ZNF484: variants seen among roughly 807,000 people sequenced by gnomAD.
The protein encoded by ZNF484 is zinc finger protein 484.
A neutral mutation model predicts 12.9 loss-of-function variants in ZNF484; 11 were observed. The observed-to-expected ratio is 0.85, with a 90% CI of 0.54 to 1.41. ZNF484 has a LOEUF of 1.41. Ranked by LOEUF, ZNF484 falls within the 40% of genes most tolerant of loss-of-function variation. The pLI is 0.00. For missense variants in ZNF484, 807 were observed against 1,007.7 expected (o/e 0.80, Z 2.70); for synonymous variants, 289 against 334.1 (o/e 0.86, Z 1.47).
In ZNF484 at chr9:92,846,979, G is replaced by T; in HGVS notation, c.1808C>A (p.Thr603Asn). ...SHFITHERIHTGEKPYECSIC... is the reference protein window; with the variant it reads ...SHFITHERIHNGEKPYECSIC... ...ACTGCATTCATAGGGTTTCTCTCCA[G>T]TATGAATTCTCTCATGTGTAATAAA... Residue 603 changes from threonine (T) to asparagine (N), a missense_variant, in exon 5 of 5, where the codon ACT becomes AAT. Transcript: ENST00000375495. The T allele has an allele frequency of 1.2e-6, 2 of 1,614,130 alleles. No individual in the cohort carries two copies. The highest frequency in any genetic ancestry group is 1.7e-6 in the Non-Finnish European group (2 of 1,180,028).
intron 2 of ZNF484, among the ~76,000 whole-genome samples, chr9:92,858,380 A>T (rs1239928843): frequency 1.3e-5 from 2 of 152,182 alleles, no homozygotes; most frequent in African/African-American, 4.8e-5. Context: ...CATTAGGAAT[A>T]TGTGTGACAT....
At chr9:92,859,023 G>A (rs1856627859) in intron 2 of ZNF484, among the ~76,000 whole-genome samples, 1 of 152,138 alleles carries the variant, frequency 6.6e-6, no homozygotes, top group Non-Finnish European at 1.5e-5. Flanking sequence ...CTACTCAGGA[G>A]GCTGAGGCAG....
rs147387944 is a variant in ZNF484 at position 92,847,746 on chromosome 9, C to G, written c.1041G>C (p.Gln347His). The change falls in exon 5 of 5, where the codon CAG becomes CAC. Residue 347 changes from glutamine (Q) to histidine (H), a missense_variant. Gln to His is a conservative substitution (Grantham distance 24). Coordinates refer to ENST00000375495, the MANE Select transcript of ZNF484 (RefSeq NM_031486.4). ...AAGGTTTTTCTCCAGAATGAATTCT[C>G]TGGCATCTGAACAGATCTGACTTCT... ...FIQKSDLFRCQRIHSGEKPYE... is the reference protein window; with the variant it reads ...FIQKSDLFRCHRIHSGEKPYE... The G allele has an allele frequency of 1.0e-4, 161 of 1,613,858 alleles. No homozygotes were observed. In the East Asian group the frequency reaches 2.1e-3, roughly 21 times the overall value.
intron 2 of ZNF484, among the ~76,000 whole-genome samples, chr9:92,867,786 A>T (rs1432618952): frequency 6.6e-6 from 1 of 152,214 alleles, no homozygotes; most frequent in African/African-American, 2.4e-5. Context: ...GGCTGATTTT[A>T]ATCCACGTCC....
In ZNF484 at chr9:92,844,433, C is replaced by T. The variant is rs1855478440; in HGVS notation, c.*1795G>A. On this transcript the variant is annotated 3_prime_UTR_variant, in exon 5 of 5. Transcript: ENST00000375495. ...TACACGCACACGTGCACACACACACCCCAAAACCACTAAACCACAGATTTA... is the reference window on the plus strand; with the variant it reads ...TACACGCACACGTGCACACACACACTCCAAAACCACTAAACCACAGATTTA... Among the ~76,000 whole-genome samples, 1 of 151,960 alleles carries T rather than the reference C, an allele frequency of 6.6e-6. No homozygotes were observed. The highest frequency in any genetic ancestry group is 2.4e-5 in the African/African-American group (1 of 41,360).
chr9:92,852,406 G>T (rs981448095), intron 4 of ZNF484, among the ~76,000 whole-genome samples: 3 of 152,126 alleles, frequency 2.0e-5, no homozygotes, highest in Non-Finnish European at 2.9e-5. Context: ...CCATTCTCCT[G>T]CCTCAGCCTC....
intron 2 of ZNF484, among the ~76,000 whole-genome samples, chr9:92,858,341 T>A (rs1473975057): frequency 6.7e-6 from 1 of 150,094 alleles, no homozygotes; most frequent in East Asian, 1.9e-4. Flanking sequence ...GAAGCAGAGA[T>A]TTTTTTTTTA....
chr9:92,852,407 C>T (rs550870486), intron 4 of ZNF484, among the ~76,000 whole-genome samples: 12 of 152,164 alleles, frequency 7.9e-5, no homozygotes, highest in Non-Finnish European at 1.6e-4. Flanking sequence ...CATTCTCCTG[C>T]CTCAGCCTCC....
At chr9:92,869,901 A>T (rs1040583714) in intron 2 of ZNF484, among the ~76,000 whole-genome samples, 4 of 152,252 alleles carry the variant, frequency 2.6e-5, no homozygotes, top group Non-Finnish European at 5.9e-5. Context: ...AACTTTCATG[A>T]CATTCAAAAT....
At chr9:92,867,110 G>A (rs2118145784) in intron 2 of ZNF484, among the ~76,000 whole-genome samples, 1 of 152,324 alleles carries the variant, frequency 6.6e-6, no homozygotes, top group Non-Finnish European at 1.5e-5. Flanking sequence ...AGCACTTTGG[G>A]AGGCCAAGGT....
intron 2 of ZNF484, among the ~76,000 whole-genome samples, chr9:92,859,809 A>G (rs1257974835): frequency 6.6e-6 from 1 of 152,246 alleles, no homozygotes; most frequent in Non-Finnish European, 1.5e-5. Flanking sequence ...TGGCTTTACA[A>G]TGAAAGGATA....
At position 92,855,856 on chromosome 9, in the gene ZNF484, C is replaced by T; in HGVS notation, c.190G>A (p.Glu64Lys). 6.2e-7 allele frequency: 1 copy of T among 1,614,168 alleles called. No homozygotes were observed. The highest frequency in any genetic ancestry group is 8.5e-7 in the Non-Finnish European group (1 of 1,180,016). ...ATCTCACCATCCAACATACATGGCT[C>T]TTCTTGTTCCAAGCTGAAGATGACT... ...PEVIFSLEQE[E>K]PCMLDGEIPS... Residue 64 changes from glutamate (E) to lysine (K), a missense_variant, in exon 4 of 5, where the codon GAG becomes AAG. Coordinates refer to ENST00000375495, the MANE Select transcript of ZNF484 (RefSeq NM_031486.4).
In ZNF484 at chr9:92,855,814, G is replaced by A. The variant is rs760060071; in HGVS notation, c.232C>T (p.Pro78Ser). Residue 78 changes from proline to serine, a missense_variant, in exon 4 of 5, where the codon CCA becomes TCA. By Grantham distance (74) the Pro-to-Ser change is moderately conservative. Coordinates refer to ENST00000375495, the MANE Select transcript of ZNF484 (RefSeq NM_031486.4). ...LDGEIPSQSR[P>S]DGDIGFGPLQ... ...ATGCTCTTGGTTCCCTTCTCACCTG[G>A]ACGGCTCTGACTGGGGATCTCACCA... The A allele has an allele frequency of 1.1e-5, 18 of 1,613,880 alleles. No individual in the cohort carries two copies. Among genetic ancestry groups the A allele is most frequent in the Non-Finnish European group, 1.4e-5 (17 of 1,179,918 alleles).
At position 92,844,304 on chromosome 9, in the gene ZNF484, T is replaced by C. The variant is rs1855471593; in HGVS notation, c.*1924A>G. Among the ~76,000 whole-genome samples, 1 of 152,018 alleles carries C rather than the reference T, an allele frequency of 6.6e-6. No homozygotes were observed. Among genetic ancestry groups the C allele is most frequent in the African/African-American group, 2.4e-5 (1 of 41,364 alleles). On this transcript the variant is annotated 3_prime_UTR_variant, in exon 5 of 5. Coordinates refer to ENST00000375495, the MANE Select transcript of ZNF484 (RefSeq NM_031486.4). ...TAGAAAACAGGCCAACAGAACTGGGTAATAAGGTTATCCCTAAAAGAAACA... is the reference window on the plus strand; with the variant it reads ...TAGAAAACAGGCCAACAGAACTGGGCAATAAGGTTATCCCTAAAAGAAACA...
At chr9:92,874,314 T>C (rs78345547) in intron 2 of ZNF484, among the ~76,000 whole-genome samples, 1,970 of 57,594 alleles carry the variant, frequency 0.034, 17 homozygotes, top group Middle Eastern at 0.071. Flanking sequence ...TTCTTTCTTT[T>C]TTTTTTTTTT....
intron 2 of ZNF484, among the ~76,000 whole-genome samples, chr9:92,860,126 T>G (rs1039730817): frequency 6.6e-6 from 1 of 152,156 alleles, no homozygotes; most frequent in Non-Finnish European, 1.5e-5. Flanking sequence ...ATAAACCACA[T>G]GTTGGCATAG....
rs1259916195 is a variant in ZNF484 at position 92,846,448 on chromosome 9, T to G, written c.2339A>C (p.Glu780Ala). The stretch of plus-strand genomic sequence containing the variant: ...TCTGATGGTGAAGGCCTTTCCACAC[T>G]CAGCACATATATATGGTTTCTCTCC... ...HTGEKPYICA[E>A]CGKAFTIRSN... Residue 780 changes from glutamate to alanine, a missense_variant, in exon 5 of 5, where the codon GAG (glutamate) becomes GCG (alanine). Transcript: ENST00000375495. 6.2e-7 allele frequency: 1 copy of G among 1,614,042 alleles called. No individual in the cohort carries two copies. The highest frequency in any genetic ancestry group is 1.3e-5 in the African/African-American group (1 of 74,926).
intron 2 of ZNF484, among the ~76,000 whole-genome samples, chr9:92,865,929 CTGAAAGAAA>C (rs1322262888): frequency 3.3e-5 from 5 of 152,206 alleles, no homozygotes; most frequent in African/African-American, 1.2e-4. Flanking sequence ...GAAATAACTT[CTGAAAGAAA>C]TGTTCACAAG....
intron 2 of ZNF484, among the ~76,000 whole-genome samples, chr9:92,863,375 C>T (rs1856890757): frequency 6.6e-6 from 1 of 151,978 alleles, no homozygotes. Context: ...CACACATTTA[C>T]CTATGCAACA....
Sources: gnomAD v4.1 joint callset for allele counts (sites outside exome capture counted in the v4.1 genomes callset) on GRCh38, gnomAD v4.1.1 for gene constraint, MANE v1.5 for transcripts, NCBI Gene and HGNC (gene_info 2026-07-23, HGNC 2026-07-21) for gene names.